Variants in TSPAN3 observed in about 807,000 individuals in gnomAD.
The protein encoded by TSPAN3 is tetraspanin 3.
In TSPAN3, 9 loss-of-function variants were observed where a neutral mutation model predicts 31.1. The ratio of observed to expected loss-of-function variants is 0.29; its 90% CI spans 0.17 to 0.50. TSPAN3 has a LOEUF of 0.50. Among genes scored for constraint, TSPAN3 ranks in the 20% least tolerant of loss-of-function variants. TSPAN3 has a pLI of 0.98. For synonymous variants in TSPAN3, 129 were observed against 114.3 expected (o/e 1.13, Z -0.82); for missense variants, 252 against 313.5 (o/e 0.80, Z 1.48).
chr15:77,062,222 T>C (rs1187485045), intron 1 of TSPAN3, among the ~76,000 whole-genome samples: 1 of 152,212 alleles, frequency 6.6e-6, no homozygotes, highest in Non-Finnish European at 1.5e-5. Context: ...TCCCCAAACT[T>C]CACCCTTATG....
chr15:77,070,850 C>A (rs948741288), intron 1 of TSPAN3, 42 bp downstream of exon 1: 2 of 1,226,420 alleles, frequency 1.6e-6, no homozygotes, highest in Non-Finnish European at 2.1e-6. Flanking sequence ...CGGCCTCGCC[C>A]GGCCCCGCCG....
intron 2 of TSPAN3, 29 bp downstream of exon 2, chr15:77,056,035 C>T (rs369282184): frequency 1.2e-5 from 19 of 1,579,986 alleles, no homozygotes; most frequent in Non-Finnish European, 1.5e-5. Context: ...AGACTAAATA[C>T]TCCTGCATGT....
At chr15:77,058,049 C>T (rs2076778958) in intron 1 of TSPAN3, among the ~76,000 whole-genome samples, 1 of 152,192 alleles carries the variant, frequency 6.6e-6, no homozygotes, top group Non-Finnish European at 1.5e-5. Flanking sequence ...AAAACTTCAA[C>T]TTTACTTCCA....
Position 77,046,488 on chromosome 15 carries a change from C to G in TSPAN3, c.*347G>C. The G allele has an allele frequency of 2.4e-6, 1 of 422,000 alleles. No homozygotes were observed. The highest frequency in any genetic ancestry group is 4.2e-6 in the Non-Finnish European group (1 of 238,952). 26.1% of individuals were successfully genotyped at this position (422,000 alleles called of 1,614,324 possible). ...TTCTCCACTGTGAAGACTGAAAGGA[C>G]CTGGTGACATTTCGGCATCAGTCCT... is the stretch of plus-strand genomic sequence containing the variant. On this transcript the variant is annotated 3_prime_UTR_variant, in exon 7 of 7. Transcript: ENST00000267970.
chr15:77,046,867 C>A lies in TSPAN3; in HGVS notation c.730G>T (p.Glu244Ter). 1 of 1,594,376 alleles carries A rather than the reference C, an allele frequency of 6.3e-7. No homozygotes were observed. The highest frequency in any genetic ancestry group is 1.1e-5 in the South Asian group (1 of 88,418). The change falls in exon 7 of 7, where the codon GAG (glutamate) becomes TAG (stop). Residue 244 changes from glutamate (E) to a stop codon, truncating the protein, a stop_gained. Coordinates refer to ENST00000267970, the MANE Select transcript of TSPAN3 (RefSeq NM_005724.6). LOFTEE classifies it high-confidence loss of function. Reference protein sequence around the residue: ...LCRRSRDPAYELLITGGTYA With the variant: ...LCRRSRDPAY ...TAGGTTCCGCCAGTGATGAGGAGCT[C>A]GTAAGCAGGATCTCTACTCCTTCTG... is the stretch of plus-strand genomic sequence containing the variant.
chr15:77,068,513 C>T (rs1237686644), intron 1 of TSPAN3, among the ~76,000 whole-genome samples: 2 of 152,150 alleles, frequency 1.3e-5, no homozygotes, highest in East Asian at 1.9e-4. Context: ...AGTCCCTGAG[C>T]TTGAATAACC....
intron 6 of TSPAN3, 131 bp from the exon 7 acceptor site, chr15:77,047,058 G>T: frequency 1.6e-6 from 1 of 627,556 alleles, no homozygotes; most frequent in Non-Finnish European, 2.7e-6. Flanking sequence ...AGTAACAACA[G>T]TGATAGAAGG....
At chr15:77,059,409 C>T (rs1397000243) in intron 1 of TSPAN3, among the ~76,000 whole-genome samples, 1 of 152,160 alleles carries the variant, frequency 6.6e-6, no homozygotes, top group Non-Finnish European at 1.5e-5. Flanking sequence ...AATTTGGGTG[C>T]ATTTATTACA....
chr15:77,069,367 G>C (rs1182117617), intron 1 of TSPAN3, among the ~76,000 whole-genome samples: 1 of 152,162 alleles, frequency 6.6e-6, no homozygotes, highest in African/African-American at 2.4e-5. Flanking sequence ...TCTACAAAGA[G>C]AAGACTGATA....
At chr15:77,065,273 AAAGT>A (rs1223576400) in intron 1 of TSPAN3, among the ~76,000 whole-genome samples, 3 of 152,126 alleles carry the variant, frequency 2.0e-5, no homozygotes, top group African/African-American at 7.2e-5. Context: ...GCTTCACCGG[AAAGT>A]AAGTTCTGTA....
intron 1 of TSPAN3, 121 bp downstream of exon 1, chr15:77,070,771 T>C: frequency 2.5e-6 from 1 of 397,006 alleles, no homozygotes; most frequent in Non-Finnish European, 3.4e-6. Flanking sequence ...CTCAGCCGCC[T>C]GAGGGCCCGC....
intron 5 of TSPAN3, 141 bp from the exon 6 acceptor site, chr15:77,052,609 A>T: frequency 9.1e-7 from 1 of 1,097,168 alleles, no homozygotes; most frequent in Non-Finnish European, 1.3e-6. Flanking sequence ...GGTATAATTT[A>T]CAGACATGTA....
At chr15:77,051,355 C>T (rs2076729633) in intron 6 of TSPAN3, among the ~76,000 whole-genome samples, 1 of 151,904 alleles carries the variant, frequency 6.6e-6, no homozygotes, top group South Asian at 2.1e-4. Context: ...TGGTAAAAAC[C>T]TGTCTCTACT....
In TSPAN3 at chr15:77,042,557, T is replaced by C. The variant is rs1049005956; in HGVS notation, c.*4278A>G. 8 of 152,254 alleles carry C rather than the reference T, an allele frequency of 5.3e-5. No homozygotes were observed. The highest frequency in any genetic ancestry group is 1.9e-4 in the African/African-American group (8 of 41,544). The allele number at this position is 152,254 out of a possible 1,614,324, so 9.4% of individuals were successfully genotyped here. A position where few individuals can be genotyped will look rare whatever the true frequency, so the allele number is the denominator to read the frequency against. ...AAGTCGGGAACTATCTGAGGAACTC[T>C]TCCCCCATCCCCAAAGGTCAATGAT... On this transcript the variant is annotated 3_prime_UTR_variant, in exon 7 of 7. Coordinates refer to ENST00000267970, the MANE Select transcript of TSPAN3 (RefSeq NM_005724.6).
At chr15:77,054,750 G>A (rs2076757067) in intron 3 of TSPAN3, 1 of 152,442 alleles carries the variant, frequency 6.6e-6, no homozygotes, top group Non-Finnish European at 1.5e-5. Context: ...TTGGCTAAAT[G>A]TGCAAAAGTA....
intron 1 of TSPAN3, among the ~76,000 whole-genome samples, chr15:77,065,394 A>AT (rs1483860536): frequency 6.6e-6 from 1 of 152,202 alleles, no homozygotes. Flanking sequence ...TTCCTTAATT[A>AT]TATACATTCA....
In TSPAN3 at chr15:77,052,435, C is replaced by G. The variant is rs2152695727; in HGVS notation, c.619G>C (p.Glu207Gln). The stretch of plus-strand genomic sequence containing the variant: ...GCCCAGATCACATGCATCATGATTT[C>G]TTGTAGCTTCTTCACTACTAGAGCC... Reference protein sequence around the residue: ...CEALVVKKLQEIMMHVIWAAL... With the variant: ...CEALVVKKLQQIMMHVIWAAL... The change falls in exon 6 of 7, where the codon GAA becomes CAA. Residue 207 changes from glutamate to glutamine, a missense_variant. By Grantham distance (29) the Glu-to-Gln change is conservative. Transcript: ENST00000267970. 1 of 1,614,182 alleles carries G rather than the reference C, an allele frequency of 6.2e-7. No individual in the cohort carries two copies. The highest frequency in any genetic ancestry group is 8.5e-7 in the Non-Finnish European group (1 of 1,180,026).
chr15:77,047,228 T>A lies in TSPAN3; in HGVS notation c.670-301A>T, dbSNP rs569992090. On this transcript the variant is annotated intron_variant, in intron 6 of 6. Coordinates refer to ENST00000267970, the MANE Select transcript of TSPAN3 (RefSeq NM_005724.6). Reference sequence around the variant, plus strand: ...TGTCCGAAAGAACTTTCTGCAGCGATGGAGACATACCACATATGCACTGTC... The same window carrying A: ...TGTCCGAAAGAACTTTCTGCAGCGAAGGAGACATACCACATATGCACTGTC... Among the ~76,000 whole-genome samples the A allele has an allele frequency of 5.3e-5, 8 of 152,364 alleles. No individual in the cohort carries two copies. In the East Asian group the frequency reaches 1.3e-3, roughly 26 times the overall value.
At chr15:77,060,915 A>T (rs12148612) in intron 1 of TSPAN3, among the ~76,000 whole-genome samples, 41,040 of 151,988 alleles carry the variant, frequency 0.27, 5,577 homozygotes, top group Middle Eastern at 0.38. Flanking sequence ...AATAATTTTT[A>T]AAAAACCATT....
Sources: gnomAD v4.1 joint callset for allele counts (sites outside exome capture counted in the v4.1 genomes callset) on GRCh38, gnomAD v4.1.1 for gene constraint, MANE v1.5 for transcripts, NCBI Gene and HGNC (gene_info 2026-07-23, HGNC 2026-07-21) for gene names.